The following LAMA2 variants were observed in gnomAD, a reference collection of about 807,000 sequenced individuals.
LAMA2 encodes the protein laminin subunit alpha 2.
A neutral mutation model predicts 364.8 loss-of-function variants in LAMA2; 269 were observed. That is an observed-to-expected ratio of 0.74 (90% CI 0.67 to 0.82). The LOEUF is 0.82. Ranked by LOEUF, LAMA2 falls within the 40% of genes least tolerant of loss-of-function variation. The pLI is 0.00. For missense variants in LAMA2, 3,807 were observed against 3,873.2 expected (o/e 0.98, Z 0.45); for synonymous variants, 1,379 against 1,370.6 (o/e 1.01, Z -0.14).
At chr6:128,977,521 C>CAAAGT (rs1453903351) in intron 1 of LAMA2, among the ~76,000 whole-genome samples, 1 of 152,152 alleles carries the variant, frequency 6.6e-6, no homozygotes, top group Admixed American at 6.5e-5. Flanking sequence ...CTCAGCCTTT[C>CAAAGT]AAAGTGCTGG....
At chr6:129,064,682 G>T (rs1789174679) in intron 3 of LAMA2, among the ~76,000 whole-genome samples, 1 of 152,020 alleles carries the variant, frequency 6.6e-6, no homozygotes, top group Admixed American at 6.6e-5. Flanking sequence ...AGAAAAAATG[G>T]AAAAATTCCT....
intron 37 of LAMA2, among the ~76,000 whole-genome samples, chr6:129,395,199 A>G (rs1259141929): frequency 2.6e-5 from 4 of 152,096 alleles, no homozygotes; most frequent in African/African-American, 9.7e-5. Flanking sequence ...AGGTTCGAGG[A>G]AAACTGACAC....
intron 3 of LAMA2, among the ~76,000 whole-genome samples, chr6:129,067,518 G>C (rs1421583363): frequency 6.6e-6 from 1 of 152,198 alleles, no homozygotes; most frequent in Non-Finnish European, 1.5e-5. Flanking sequence ...AGCAGTCACA[G>C]CAATCTCATT....
chr6:129,127,948 A>G (rs1211056831), intron 4 of LAMA2, among the ~76,000 whole-genome samples: 4 of 151,988 alleles, frequency 2.6e-5, no homozygotes, highest in African/African-American at 9.7e-5. Context: ...CCACATTCAT[A>G]GTTTGTCTCT....
chr6:129,243,157 A>G (rs1453147509), intron 12 of LAMA2, among the ~76,000 whole-genome samples: 1 of 152,142 alleles, frequency 6.6e-6, no homozygotes, highest in Non-Finnish European at 1.5e-5. Flanking sequence ...AAGCATTCTT[A>G]CCTGATCAAA....
At chr6:129,343,973 T>C (rs1477575648) in intron 30 of LAMA2, among the ~76,000 whole-genome samples, 1 of 152,142 alleles carries the variant, frequency 6.6e-6, no homozygotes, top group Non-Finnish European at 1.5e-5. Context: ...ATTTGGAACA[T>C]GGCGTTCAGA....
intron 3 of LAMA2, among the ~76,000 whole-genome samples, chr6:129,085,273 G>C (rs888694139): frequency 5.9e-5 from 9 of 152,114 alleles, no homozygotes; most frequent in African/African-American, 2.2e-4. Context: ...TCTAGTGAAG[G>C]CTTTTACAAA....
chr6:129,107,491 A>T (rs1191051425), intron 4 of LAMA2, among the ~76,000 whole-genome samples: 1 of 152,176 alleles, frequency 6.6e-6, no homozygotes, highest in African/African-American at 2.4e-5. Context: ...TGAAGGAATA[A>T]GCAAAGCAAA....
chr6:129,167,768 A>G (rs1292242968), intron 9 of LAMA2, among the ~76,000 whole-genome samples: 4 of 151,916 alleles, frequency 2.6e-5, no homozygotes, highest in African/African-American at 9.7e-5. Flanking sequence ...ACTAGTTTAC[A>G]GTCCCACCAA....
chr6:129,460,726 G>C (rs1449401193), intron 49 of LAMA2, among the ~76,000 whole-genome samples: 2 of 151,818 alleles, frequency 1.3e-5, no homozygotes, highest in African/African-American at 4.8e-5. Flanking sequence ...AGGTCTTGCT[G>C]AGCATGAATT....
At chr6:128,894,086 T>G (rs1776627261) in intron 1 of LAMA2, among the ~76,000 whole-genome samples, 1 of 152,094 alleles carries the variant, frequency 6.6e-6, no homozygotes, top group Non-Finnish European at 1.5e-5. Flanking sequence ...CAAAACTCAG[T>G]AAGTGGTAGT....
chr6:128,985,631 C>T (rs1783179998), intron 1 of LAMA2, among the ~76,000 whole-genome samples: 1 of 151,980 alleles, frequency 6.6e-6, no homozygotes, highest in Admixed American at 6.6e-5. Context: ...GTATAAGGAA[C>T]CCTCAAGTAC....
intron 29 of LAMA2, among the ~76,000 whole-genome samples, chr6:129,333,397 T>C (rs1775771001): frequency 6.6e-6 from 1 of 152,202 alleles, no homozygotes; most frequent in Admixed American, 6.5e-5. Flanking sequence ...TCTTGTCATG[T>C]TACGAAAACT....
chr6:129,034,561 G>A (rs1464121794), intron 1 of LAMA2, among the ~76,000 whole-genome samples: 1 of 151,790 alleles, frequency 6.6e-6, no homozygotes, highest in East Asian at 1.9e-4. Context: ...GGCTTCTACT[G>A]AACCCATCAC....
At chr6:128,914,688 T>C (rs564113877) in intron 1 of LAMA2, among the ~76,000 whole-genome samples, 7 of 152,176 alleles carry the variant, frequency 4.6e-5, no homozygotes, top group Admixed American at 3.9e-4. Context: ...AAGAGTCTTA[T>C]AGGCACTTTG....
At chr6:129,490,220 AT>A (rs1194315950) in intron 56 of LAMA2, among the ~76,000 whole-genome samples, 15 of 152,138 alleles carry the variant, frequency 9.9e-5, no homozygotes, top group Non-Finnish European at 1.9e-4. Flanking sequence ...CTTAATTAAT[AT>A]TTTCCGCTGT....
At chr6:128,997,396 G>C (rs1343301913) in intron 1 of LAMA2, among the ~76,000 whole-genome samples, 1 of 151,594 alleles carries the variant, frequency 6.6e-6, no homozygotes, top group Non-Finnish European at 1.5e-5. Context: ...AAGAGAGGGA[G>C]GGAGGGAGGG....
At chr6:129,109,316 C>A (rs1776007881) in intron 4 of LAMA2, among the ~76,000 whole-genome samples, 1 of 152,092 alleles carries the variant, frequency 6.6e-6, no homozygotes, top group African/African-American at 2.4e-5. Context: ...TACTGCAGAA[C>A]TTCTCAAGCA....
At chr6:129,194,170 C>G (rs1196108433) in intron 12 of LAMA2, among the ~76,000 whole-genome samples, 1 of 151,380 alleles carries the variant, frequency 6.6e-6, no homozygotes, top group African/African-American at 2.4e-5. Flanking sequence ...ATTTCTACTG[C>G]TTAAAATTGC....
Sources: gnomAD v4.1 joint callset for allele counts (sites outside exome capture counted in the v4.1 genomes callset) on GRCh38, gnomAD v4.1.1 for gene constraint, MANE v1.5 for transcripts, NCBI Gene and HGNC (gene_info 2026-07-23, HGNC 2026-07-21) for gene names.